Variants in GIGYF2 observed in about 807,000 individuals in gnomAD.
GIGYF2 encodes GRB10 interacting GYF protein 2.
A neutral mutation model predicts 208.1 loss-of-function variants in GIGYF2; 25 were observed. That is an observed-to-expected ratio of 0.12 (90% CI 0.09 to 0.17). The LOEUF is 0.17. GIGYF2 is among the 10% of genes least tolerant of loss of function. The pLI is 1.00. For missense variants in GIGYF2, 1,302 were observed against 1,579.4 expected, an observed-to-expected ratio of 0.82 and a Z score of 2.98; for synonymous variants, 534 against 543.8, an observed-to-expected ratio of 0.98 and a Z score of 0.25.
intron 5 of GIGYF2, among the ~76,000 whole-genome samples, chr2:232,755,818 C>T (rs146875064): frequency 0.011 from 1,700 of 152,288 alleles, 9 homozygotes; most frequent in Middle Eastern, 0.027. Context: ...AACTCCCTTT[C>T]ATTTCCACTT....
intron 2 of GIGYF2, among the ~76,000 whole-genome samples, chr2:232,712,753 T>C (rs1027347290): frequency 6.6e-6 from 1 of 152,256 alleles, no homozygotes; most frequent in African/African-American, 2.4e-5. Context: ...TGTAAACTGC[T>C]GCTTTGAGGA....
chr2:232,810,375 C>G (rs1041135375), intron 16 of GIGYF2: 1 of 154,632 alleles, frequency 6.5e-6, no homozygotes, highest in East Asian at 1.9e-4. Flanking sequence ...TCCTGAGTGG[C>G]TCAGCTTTGA....
chr2:232,770,588 T>A (rs1165984015), intron 8 of GIGYF2, among the ~76,000 whole-genome samples: 3 of 137,376 alleles, frequency 2.2e-5, no homozygotes, highest in Non-Finnish European at 3.2e-5. Flanking sequence ...AGTGAAAACC[T>A]CCTTTTAAAC....
rs1276466804 is a variant in GIGYF2 at position 232,835,174 on chromosome 2, C to CT, written c.2766+2087dup. On this transcript the variant is annotated intron_variant, in intron 22 of 28. Transcript: ENST00000373563. ...TTGCTGTGAAAGACAAGATTTCATT[C>CT]TTTTTTGTGGCTGAGTAGCATTCCA... 3.3e-5 allele frequency among the ~76,000 whole-genome samples: 5 copies of CT among 152,180 alleles called. No homozygotes were observed. In the South Asian group the frequency reaches 6.2e-4, roughly 19 times the overall value.
Position 232,760,589 on chromosome 2 carries a change from A to AAGGT in GIGYF2, c.491_491+3dup, listed in dbSNP as rs1309260685. The AAGGT allele has an allele frequency of 6.3e-7, 1 of 1,591,436 alleles. No homozygotes were observed. The highest frequency in any genetic ancestry group is 1.3e-5 in the African/African-American group (1 of 74,358). Reference sequence around the variant, plus strand: ...TGCATAGATCGCAGAGCTGGGAGGAAAGGTAACTGGATCCACATATTGGCA... The same window carrying AAGGT: ...TGCATAGATCGCAGAGCTGGGAGGAAAGGTAGGTAACTGGATCCACATATTGGCA... On this transcript the variant is annotated frameshift_variant and splice_region_variant, in exon 7 of 29. Coordinates refer to ENST00000373563, the MANE Select transcript of GIGYF2 (RefSeq NM_001103146.3). LOFTEE classifies it high-confidence loss of function.
intron 14 of GIGYF2, among the ~76,000 whole-genome samples, chr2:232,799,552 AAATAATAATAATAATAATAAT>A (rs55730253): frequency 6.8e-6 from 1 of 146,822 alleles, no homozygotes; most frequent in African/African-American, 2.5e-5. Context: ...CCTGTCTTTA[AAATAATAATAATAATAATAAT>A]AATAATAATA....
At chr2:232,703,731 A>G (rs963320044) in intron 2 of GIGYF2, among the ~76,000 whole-genome samples, 2 of 152,172 alleles carry the variant, frequency 1.3e-5, no homozygotes, top group African/African-American at 4.8e-5. Flanking sequence ...GCAAGAAACA[A>G]GGAGGAATGC....
chr2:232,849,774 T>C (rs989311604), intron 27 of GIGYF2, among the ~76,000 whole-genome samples: 2 of 152,200 alleles, frequency 1.3e-5, no homozygotes, highest in African/African-American at 4.8e-5. Flanking sequence ...AGACAGTATT[T>C]TTGGGCCAGA....
chr2:232,806,621 T>G lies in GIGYF2; in HGVS notation c.1770T>G (p.Val590=). 1.9e-6 allele frequency: 3 copies of G among 1,613,300 alleles called. No homozygotes were observed. Among genetic ancestry groups the G allele is most frequent in the Non-Finnish European group, 1.7e-6 (2 of 1,179,276 alleles). The change falls in exon 15 of 29, where the codon GTT becomes GTG. Residue 590 remains valine (V), a synonymous_variant. Transcript: ENST00000373563. This position sits in a 1 kb window ranked among gnomAD's most constrained non-coding sequence, Gnocchi z 4.0. ...LGDIMKMWGR[V]PFSPGPAPPP... ...ATATCATGAAAATGTGGGGAAGGGTTCCCTTTTCTCCAGGTCCAGCTCCCC... is the reference window on the plus strand; with the variant it reads ...ATATCATGAAAATGTGGGGAAGGGTGCCCTTTTCTCCAGGTCCAGCTCCCC...
intron 2 of GIGYF2, among the ~76,000 whole-genome samples, chr2:232,711,582 T>C (rs1334810081): frequency 2.0e-5 from 3 of 151,400 alleles, no homozygotes; most frequent in African/African-American, 7.3e-5. Context: ...TTTACCTTTT[T>C]ACAGATTTCT....
In GIGYF2 at chr2:232,806,750, G is replaced by A; in HGVS notation, c.1806+93G>A. 1.1e-6 allele frequency: 1 copy of A among 895,808 alleles called. No homozygotes were observed. Among genetic ancestry groups the A allele is most frequent in the South Asian group, 1.3e-5 (1 of 76,606 alleles). The allele number at this position is 895,808 out of a possible 1,614,324, so 55.5% of individuals were successfully genotyped here. A position where few individuals can be genotyped will look rare whatever the true frequency, so the allele number is the denominator to read the frequency against. The stretch of plus-strand genomic sequence containing the variant: ...CAACCCAAATATATCATCTAATGAA[G>A]GAATTGTAGTTCTTTGAAATTAATG... On this transcript the variant is annotated intron_variant, in intron 15 of 28. Transcript: ENST00000373563. This position sits in a 1 kb window ranked among gnomAD's most constrained non-coding sequence, Gnocchi z 4.0.
chr2:232,815,372 G>A (rs1452803041), intron 18 of GIGYF2, among the ~76,000 whole-genome samples: 1 of 152,176 alleles, frequency 6.6e-6, no homozygotes, highest in South Asian at 2.1e-4. Flanking sequence ...AAAAATGGGG[G>A]TATGAATAGA....
chr2:232,807,441 T>C (rs910586187), intron 15 of GIGYF2, among the ~76,000 whole-genome samples: 3 of 152,166 alleles, frequency 2.0e-5, no homozygotes, highest in African/African-American at 7.2e-5. Context: ...GATGATCACT[T>C]GAGCCTAGGA....
At chr2:232,784,156 C>T (rs1699818411) in intron 8 of GIGYF2, among the ~76,000 whole-genome samples, 1 of 152,056 alleles carries the variant, frequency 6.6e-6, no homozygotes, top group South Asian at 2.1e-4. Flanking sequence ...TTTAGGGCAA[C>T]AGTTGGAAAT....
Position 232,812,455 on chromosome 2 carries a change from A to G in GIGYF2, c.2071A>G (p.Ile691Val), listed in dbSNP as rs1335756295. 8 of 1,543,774 alleles carry G rather than the reference A, an allele frequency of 5.2e-6. No homozygotes were observed. Among genetic ancestry groups the G allele is most frequent in the African/African-American group, 1.4e-5 (1 of 73,428 alleles). ...RSVSVPDTGSIWELQPTASQP... is the reference protein window; with the variant it reads ...RSVSVPDTGSVWELQPTASQP... The stretch of plus-strand genomic sequence containing the variant: ...TGTGTCCGTGCCAGATACTGGCTCT[A>G]TCTGGGAGCTTCAGCCAACAGCTTC... Residue 691 changes from isoleucine to valine, a missense_variant, in exon 18 of 29, where the codon ATC becomes GTC. Physicochemically the swap from Ile to Val is conservative, Grantham distance 29. This residue lies in a region of GIGYF2 where 701 missense variants were observed against 793.0 expected (regional missense o/e 0.88). Transcript: ENST00000373563.
chr2:232,715,556 C>G (rs1197771102), intron 2 of GIGYF2, among the ~76,000 whole-genome samples: 1 of 151,116 alleles, frequency 6.6e-6, no homozygotes, highest in African/African-American at 2.4e-5. Context: ...TAGACAATTC[C>G]TTGGACTTTT....
chr2:232,768,673 T>C (rs745631910), intron 8 of GIGYF2: 1 of 1,612,102 alleles, frequency 6.2e-7, no homozygotes. Flanking sequence ...ACCCGGACAC[T>C]GGTTAGAGGG....
intron 14 of GIGYF2, among the ~76,000 whole-genome samples, chr2:232,797,971 A>G (rs1433539129): frequency 7.3e-6 from 1 of 136,312 alleles, no homozygotes; most frequent in Non-Finnish European, 1.5e-5. Flanking sequence ...ACAGAGTGAG[A>G]CTGTGCCTCC....
At position 232,747,735 on chromosome 2, in the gene GIGYF2, A is replaced by G. The variant is rs747695811; in HGVS notation, c.162A>G (p.Lys54=). 19 of 1,613,732 alleles carry G rather than the reference A, an allele frequency of 1.2e-5. No homozygotes were observed. The highest frequency in any genetic ancestry group is 1.7e-5 in the Admixed American group (1 of 60,008). ...AAGAAATGTTAGCACTTTTCCTTAA[A>G]GACAACAAGGTAAGAAAGTAGGAAA... is the stretch of plus-strand genomic sequence containing the variant. ...GREEMLALFL[K]DNKIPSDLLD... Residue 54 remains lysine (K), a synonymous_variant, in exon 4 of 29, where the codon AAA becomes AAG. Coordinates refer to ENST00000373563, the MANE Select transcript of GIGYF2 (RefSeq NM_001103146.3).
Sources: gnomAD v4.1 joint callset for allele counts (sites outside exome capture counted in the v4.1 genomes callset) on GRCh38, gnomAD v4.1.1 for gene constraint, gnomAD v4.1.1 regional missense constraint, Gnocchi (gnomAD v3.1) non-coding constraint, MANE v1.5 for transcripts, NCBI Gene and HGNC (gene_info 2026-07-23, HGNC 2026-07-21) for gene names.